The following TIMM23 variants were observed in gnomAD, a reference collection of about 807,000 sequenced individuals.
TIMM23 encodes the protein mitochondrial import inner membrane translocase subunit Tim23.
Under a neutral mutation model 30.7 loss-of-function variants are expected in TIMM23, and 19 were observed. That is an observed-to-expected ratio of 0.62 (90% CI 0.43 to 0.91). The LOEUF (loss-of-function observed/expected upper bound fraction) is 0.91. Among genes scored for constraint, TIMM23 ranks in the 40% least tolerant of loss-of-function variants. The pLI is 0.00. For missense variants in TIMM23, 202 were observed against 269.2 expected (o/e 0.75, Z 1.75); for synonymous variants, 78 against 98.5 (o/e 0.79, Z 1.23).
chr10:46,003,625 G>A lies in TIMM23; in HGVS notation c.*307G>A. ...ACCACTTACTCCCAGAATTCAGGTC[G>A]TGCTTGTTAGTACTATATCACCAAG... On this transcript the variant is annotated 3_prime_UTR_variant, in exon 7 of 7. Transcript: ENST00000580018. 8.1e-6 allele frequency: 2 copies of A among 247,692 alleles called. No homozygotes were observed. Among genetic ancestry groups the A allele is most frequent in the South Asian group, 6.3e-5 (1 of 15,836 alleles). The allele number at this position is 247,692 out of a possible 1,614,324, so 15.3% of individuals were successfully genotyped here.
chr10:45,986,164 A>G (rs1837982290), intron 5 of TIMM23, among the ~76,000 whole-genome samples: 1 of 152,214 alleles, frequency 6.6e-6, no homozygotes, highest in South Asian at 2.1e-4. Context: ...TTGTTATGGC[A>G]GGGTAAGGTC....
At chr10:45,982,764 C>G (rs1386926081) in intron 3 of TIMM23, 82 bp from the exon 4 acceptor site, 1 of 1,590,616 alleles carries the variant, frequency 6.3e-7, no homozygotes, top group Admixed American at 1.7e-5. Flanking sequence ...GAAAAAGAAT[C>G]AGAAGTGTAG....
chr10:46,001,871 G>C (rs1838549382), intron 6 of TIMM23, among the ~76,000 whole-genome samples: 1 of 152,114 alleles, frequency 6.6e-6, no homozygotes. Flanking sequence ...TAAGCAGTTA[G>C]GCCTTTTTAT....
In TIMM23 at chr10:46,003,335, T is replaced by C. The variant is rs782140933; in HGVS notation, c.*17T>C. ...TCACTCTGAAGATTTTGCCAACTCA[T>C]GAATGGAGGACACTTCAGTAGTCAT... On this transcript the variant is annotated 3_prime_UTR_variant, in exon 7 of 7. Coordinates refer to ENST00000580018, the MANE Select transcript of TIMM23 (RefSeq NM_006327.4). The C allele has an allele frequency of 6.4e-7, 1 of 1,560,734 alleles. No homozygotes were observed. Among genetic ancestry groups the C allele is most frequent in the Non-Finnish European group, 8.8e-7 (1 of 1,131,560 alleles).
At chr10:45,977,995 G>A (rs1837725271) in intron 2 of TIMM23, among the ~76,000 whole-genome samples, 1 of 151,744 alleles carries the variant, frequency 6.6e-6, no homozygotes, top group African/African-American at 2.4e-5. Flanking sequence ...CGCGCCACCC[G>A]CACTTCAGCC....
chr10:45,992,714 C>T (rs1838202663), intron 6 of TIMM23: 3 of 360,910 alleles, frequency 8.3e-6, no homozygotes, highest in Middle Eastern at 8.4e-4. Context: ...CCCGCCACCA[C>T]GCCCAGCTAA....
At chr10:45,984,683 T>C in intron 4 of TIMM23, 1 of 317,382 alleles carries the variant, frequency 3.2e-6, no homozygotes, top group Non-Finnish European at 6.3e-6. Flanking sequence ...GAATGTCTTC[T>C]CTTCATCCAG....
At chr10:45,995,140 A>T in intron 6 of TIMM23, among the ~76,000 whole-genome samples, 1 of 151,798 alleles carries the variant, frequency 6.6e-6, no homozygotes, top group Admixed American at 6.6e-5. Flanking sequence ...ATTAATGAGT[A>T]TTCTTTTTTG....
intron 5 of TIMM23, among the ~76,000 whole-genome samples, chr10:45,987,030 G>A (rs1380238410): frequency 2.6e-5 from 4 of 152,060 alleles, no homozygotes; most frequent in Non-Finnish European, 5.9e-5. Flanking sequence ...TAGTGAAAAT[G>A]ATTCTTCTGG....
At chr10:46,002,755 C>T (rs1838584421) in intron 6 of TIMM23, among the ~76,000 whole-genome samples, 1 of 150,070 alleles carries the variant, frequency 6.7e-6, no homozygotes, top group Non-Finnish European at 1.5e-5. Context: ...AACGTTGTCT[C>T]CTTTTTGAGA....
At chr10:45,986,300 A>C (rs1403957264) in intron 5 of TIMM23, among the ~76,000 whole-genome samples, 1 of 152,150 alleles carries the variant, frequency 6.6e-6, no homozygotes, top group Non-Finnish European at 1.5e-5. Flanking sequence ...ACCCTCCTAC[A>C]GAGTCACCCC....
intron 2 of TIMM23, among the ~76,000 whole-genome samples, chr10:45,978,532 CTAA>C (rs1837745075): frequency 6.6e-6 from 1 of 152,024 alleles, no homozygotes; most frequent in South Asian, 2.1e-4. Flanking sequence ...ATACAGATGT[CTAA>C]TAATGACATG....
intron 6 of TIMM23, among the ~76,000 whole-genome samples, chr10:45,991,787 G>A (rs1838170145): frequency 6.6e-6 from 1 of 151,874 alleles, no homozygotes; most frequent in Non-Finnish European, 1.5e-5. Flanking sequence ...AAAAAATGAT[G>A]ATTGGATTAC....
chr10:45,976,116 T>A (rs1231365135), intron 2 of TIMM23, among the ~76,000 whole-genome samples: 1 of 152,178 alleles, frequency 6.6e-6, no homozygotes, highest in Non-Finnish European at 1.5e-5. Flanking sequence ...AGTATCTTTT[T>A]GAATCCAAGA....
chr10:46,003,529 C>CT lies in TIMM23; in HGVS notation c.*212dup, dbSNP rs1414088069. The CT allele has an allele frequency of 2.1e-6, 1 of 473,602 alleles. No homozygotes were observed. The highest frequency in any genetic ancestry group is 2.0e-5 in the African/African-American group (1 of 50,666). The allele number at this position is 473,602 out of a possible 1,614,324, so 29.3% of individuals were successfully genotyped here. ...GAAGCCAAAGCCCTTTGGTGACTCA[C>CT]TGAGTACCATGGTTCTGTTCTCCTC... On this transcript the variant is annotated 3_prime_UTR_variant, in exon 7 of 7. Transcript: ENST00000580018.
At position 45,975,326 on chromosome 10, in the gene TIMM23, A is replaced by C. The variant is rs1366608424; in HGVS notation, c.107-128A>C. On this transcript the variant is annotated intron_variant, in intron 1 of 6. Coordinates refer to ENST00000580018, the MANE Select transcript of TIMM23 (RefSeq NM_006327.4). Reference sequence around the variant, plus strand: ...TGACAGATAGGGAGGATAAAATGGGAAAAAATTTTCCGCCTTCAGTGAGCC... The same window carrying C: ...TGACAGATAGGGAGGATAAAATGGGCAAAAATTTTCCGCCTTCAGTGAGCC... 6 of 1,304,962 alleles carry C rather than the reference A, an allele frequency of 4.6e-6. No individual in the cohort carries two copies. The Admixed American group carries it at 9.5e-5, about 21-fold the overall frequency. The allele number at this position is 1,304,962 out of a possible 1,614,324, so 80.8% of individuals were successfully genotyped here.
intron 6 of TIMM23, among the ~76,000 whole-genome samples, chr10:45,993,647 C>G (rs1286962589): frequency 6.6e-6 from 1 of 151,818 alleles, no homozygotes; most frequent in Non-Finnish European, 1.5e-5. Flanking sequence ...GAGCAAGTCT[C>G]TGTCTCGAAA....
intron 3 of TIMM23, 85 bp from the exon 4 acceptor site, chr10:45,982,761 A>G (rs1837884613): frequency 1.3e-6 from 2 of 1,591,738 alleles, no homozygotes; most frequent in Admixed American, 3.5e-5. Flanking sequence ...AATGAAAAAG[A>G]ATCAGAAGTG....
chr10:45,995,138 G>A (rs1249706834), intron 6 of TIMM23, among the ~76,000 whole-genome samples: 4 of 151,526 alleles, frequency 2.6e-5, no homozygotes, highest in Admixed American at 2.6e-4. Flanking sequence ...GAATTAATGA[G>A]TATTCTTTTT....
Sources: gnomAD v4.1 joint callset for allele counts (sites outside exome capture counted in the v4.1 genomes callset) on GRCh38, gnomAD v4.1.1 for gene constraint, MANE v1.5 for transcripts, NCBI Gene and HGNC (gene_info 2026-07-23, HGNC 2026-07-21) for gene names.